TCAIM: variants seen among roughly 807,000 people sequenced by gnomAD.
TCAIM encodes the protein T-cell activation inhibitor, mitochondrial.
Under a neutral mutation model 58.6 loss-of-function variants are expected in TCAIM, and 36 were observed. The observed-to-expected ratio is 0.61, with a 90% CI of 0.47 to 0.81. The LOEUF is 0.81. Among genes scored for constraint, TCAIM ranks in the 30% least tolerant of loss-of-function variants. The probability of loss-of-function intolerance (pLI) is 0.00; values close to 1 mark genes in which losing one functional copy is unlikely to be tolerated. For missense variants in TCAIM, 466 were observed against 579.6 expected (o/e 0.80, Z 2.01); for synonymous variants, 172 against 193.6 (o/e 0.89, Z 0.93).
rs199579461 is a variant in TCAIM at position 44,392,917 on chromosome 3, G to C, written c.635G>C (p.Arg212Thr). 3.0e-5 allele frequency: 48 copies of C among 1,613,382 alleles called. No individual in the cohort carries two copies. Among genetic ancestry groups the C allele is most frequent in the Non-Finnish European group, 3.8e-5 (45 of 1,179,674 alleles). The change falls in exon 6 of 11, where the codon AGA becomes ACA. Residue 212 changes from arginine (R) to threonine (T), a missense_variant. Coordinates refer to ENST00000342649, the MANE Select transcript of TCAIM (RefSeq NM_173826.4). Reference protein sequence around the residue: ...VKKLKNSLPLRKELDRLKDEL... With the variant: ...VKKLKNSLPLTKELDRLKDEL... ...AAGCTAAAGAACAGTTTGCCACTTA[G>C]AAAAGAACTAGATCGTTTAAAAGAT...
intron 5 of TCAIM, among the ~76,000 whole-genome samples, chr3:44,389,104 A>G (rs954120382): frequency 2.0e-5 from 3 of 152,216 alleles, no homozygotes; most frequent in Admixed American, 1.3e-4. Flanking sequence ...AGCCTGGCCA[A>G]TATGGTGAAG....
At chr3:44,403,136 G>A (rs965583012) in intron 10 of TCAIM, among the ~76,000 whole-genome samples, 2 of 152,138 alleles carry the variant, frequency 1.3e-5, no homozygotes, top group Non-Finnish European at 2.9e-5. Flanking sequence ...GGGCGTGGTG[G>A]CATGCACCTG....
chr3:44,393,659 A>T (rs1433476444), intron 6 of TCAIM, among the ~76,000 whole-genome samples: 2 of 151,318 alleles, frequency 1.3e-5, no homozygotes, highest in Non-Finnish European at 2.9e-5. Flanking sequence ...ACAGTGACTC[A>T]TACCTGTAAT....
intron 4 of TCAIM, among the ~76,000 whole-genome samples, chr3:44,364,887 TGGGTATATAAATTA>T (rs1375077751): frequency 6.6e-6 from 1 of 152,178 alleles, no homozygotes; most frequent in Non-Finnish European, 1.5e-5. Flanking sequence ...ACATTATTGA[TGGGTATATAAATTA>T]GTGCAAACTA....
At chr3:44,349,335 G>A (rs577769002) in intron 1 of TCAIM, among the ~76,000 whole-genome samples, 16 of 152,158 alleles carry the variant, frequency 1.1e-4, no homozygotes, top group Admixed American at 6.5e-4. Flanking sequence ...TGAAAGTGCC[G>A]TTTTCTGGCT....
rs1220621306 is a variant in TCAIM at position 44,353,979 on chromosome 3, CTAAA to C, written c.-44-757_-44-754del. Among the ~76,000 whole-genome samples the C allele has an allele frequency of 2.6e-5, 4 of 152,278 alleles. No individual in the cohort carries two copies. The East Asian group carries it at 7.7e-4, about 29-fold the overall frequency. Reference sequence around the variant, plus strand: ...CTGGATAGTGCCTTTGTTGTTATAACTAAATAGTCATTTCTATCCCCAAGGTCAT... The same window carrying C: ...CTGGATAGTGCCTTTGTTGTTATAACTAGTCATTTCTATCCCCAAGGTCAT... On this transcript the variant is annotated intron_variant, in intron 1 of 10. Coordinates refer to ENST00000342649, the MANE Select transcript of TCAIM (RefSeq NM_173826.4).
chr3:44,350,584 C>T (rs1258648175), intron 1 of TCAIM, among the ~76,000 whole-genome samples: 1 of 152,056 alleles, frequency 6.6e-6, no homozygotes, highest in Non-Finnish European at 1.5e-5. Context: ...ACAAACAACA[C>T]TACCCAGCTA....
intron 1 of TCAIM, among the ~76,000 whole-genome samples, chr3:44,343,067 G>T (rs1437350227): frequency 6.6e-6 from 1 of 151,894 alleles, no homozygotes; most frequent in Non-Finnish European, 1.5e-5. Context: ...AACCTGGGAG[G>T]CAGAGGTCGC....
intron 5 of TCAIM, among the ~76,000 whole-genome samples, chr3:44,383,250 C>A (rs1338092996): frequency 6.6e-6 from 1 of 152,124 alleles, no homozygotes; most frequent in East Asian, 1.9e-4. Flanking sequence ...TATTTGTATA[C>A]CCATGTTCAT....
intron 1 of TCAIM, among the ~76,000 whole-genome samples, chr3:44,347,361 G>A (rs1700991229): frequency 6.6e-6 from 1 of 152,162 alleles, no homozygotes; most frequent in South Asian, 2.1e-4. Context: ...ATGAGAAAGG[G>A]CTTGACCGAA....
At chr3:44,394,921 A>AATATATATATATAT (rs869077768) in intron 6 of TCAIM, among the ~76,000 whole-genome samples, 4 of 48,484 alleles carry the variant, frequency 8.3e-5, no homozygotes, top group Non-Finnish European at 1.3e-4. Flanking sequence ...AAAAAAAAAA[A>AATATATATATATAT]ATATATATAT....
intron 5 of TCAIM, among the ~76,000 whole-genome samples, chr3:44,374,504 C>T (rs1701534327): frequency 6.6e-6 from 1 of 151,958 alleles, no homozygotes; most frequent in South Asian, 2.1e-4. Flanking sequence ...AACTATAATC[C>T]CAGCACTTTG....
chr3:44,355,230 G>A (rs1218996754), intron 2 of TCAIM, among the ~76,000 whole-genome samples: 1 of 127,714 alleles, frequency 7.8e-6, no homozygotes, highest in African/African-American at 2.6e-5. Flanking sequence ...TGCAGTAATT[G>A]TTCAATTTGG....
At chr3:44,393,967 A>C (rs1376009183) in intron 6 of TCAIM, among the ~76,000 whole-genome samples, 3 of 152,208 alleles carry the variant, frequency 2.0e-5, no homozygotes, top group Non-Finnish European at 4.4e-5. Context: ...AACTGTAAGG[A>C]AGGGAAAAGG....
At chr3:44,406,329 T>C (rs1458348316) in intron 10 of TCAIM, among the ~76,000 whole-genome samples, 1 of 152,216 alleles carries the variant, frequency 6.6e-6, no homozygotes, top group Non-Finnish European at 1.5e-5. Context: ...AAAAATCCCT[T>C]TACAGAAAAA....
chr3:44,343,066 G>A (rs1700887557), intron 1 of TCAIM, among the ~76,000 whole-genome samples: 2 of 152,040 alleles, frequency 1.3e-5, no homozygotes, highest in African/African-American at 4.8e-5. Flanking sequence ...GAACCTGGGA[G>A]GCAGAGGTCG....
chr3:44,367,958 T>C (rs553017125), intron 5 of TCAIM: 1 of 371,702 alleles, frequency 2.7e-6, no homozygotes, highest in Admixed American at 4.2e-5. Context: ...TGTGGTCTTT[T>C]GATACCAAAC....
At position 44,380,217 on chromosome 3, in the gene TCAIM, C is replaced by T. The variant is rs563164182; in HGVS notation, c.572+12509C>T. Among the ~76,000 whole-genome samples, 56 of 152,122 alleles carry T rather than the reference C, an allele frequency of 3.7e-4. 1 individual carries two copies. The highest frequency in any genetic ancestry group is 6.9e-4 in the Non-Finnish European group (47 of 67,986). Reference sequence around the variant, plus strand: ...AAAAAATAAGATCTGTCTGATAGATCAGTAAGGTGACTATAGTTTACAATC... The same window carrying T: ...AAAAAATAAGATCTGTCTGATAGATTAGTAAGGTGACTATAGTTTACAATC... On this transcript the variant is annotated intron_variant, in intron 5 of 10. Coordinates refer to ENST00000342649, the MANE Select transcript of TCAIM (RefSeq NM_173826.4).
intron 5 of TCAIM, among the ~76,000 whole-genome samples, chr3:44,390,444 C>A (rs1194403655): frequency 1.3e-5 from 2 of 152,072 alleles, no homozygotes; most frequent in Non-Finnish European, 2.9e-5. Flanking sequence ...ATAGCAAGAC[C>A]TCATCTCTAC....
Sources: allele counts gnomAD v4.1 joint callset (sites outside exome capture counted in the v4.1 genomes callset), GRCh38; gene constraint gnomAD v4.1.1; transcripts MANE v1.5; gene names NCBI Gene and HGNC (gene_info 2026-07-23, HGNC 2026-07-21).